TRPV6: variants seen among roughly 807,000 people sequenced by gnomAD.
The protein encoded by TRPV6 is Alu-binding protein with zinc finger domain.
Under a neutral mutation model 79.0 loss-of-function variants are expected in TRPV6, and 39 were observed. The observed-to-expected ratio is 0.49, with a 90% CI of 0.38 to 0.64. The LOEUF (loss-of-function observed/expected upper bound fraction) is 0.64, where lower values mean the gene tolerates loss of function less well. TRPV6 is among the 30% of genes least tolerant of loss of function. The probability of loss-of-function intolerance (pLI) is 0.00; values close to 1 mark genes in which losing one functional copy is unlikely to be tolerated. For missense variants in TRPV6, 813 were observed against 1,011.1 expected (o/e 0.80, Z 2.66); for synonymous variants, 373 against 391.9 (o/e 0.95, Z 0.57).
Position 142,873,736 on chromosome 7 carries a change from G to C in TRPV6, c.1640-20C>G. On this transcript the variant is annotated intron_variant, in intron 12 of 14. Transcript: ENST00000359396. This position sits in a 1 kb window ranked among gnomAD's most constrained non-coding sequence, Gnocchi z 4.8. ...AGAAGGCTGCTCCACCCAAGGGGGT[G>C]AGGGTTACCATGGCAACCATGCAGA... is the stretch of plus-strand genomic sequence containing the variant. 6.2e-7 allele frequency: 1 copy of C among 1,611,824 alleles called. No homozygotes were observed. The highest frequency in any genetic ancestry group is 8.5e-7 in the Non-Finnish European group (1 of 1,178,110).
intron 1 of TRPV6, chr7:142,885,119 G>A (rs1399696650): frequency 3.4e-6 from 1 of 291,376 alleles, no homozygotes; most frequent in African/African-American, 2.2e-5. Context: ...CAAGACGCCT[G>A]GCCCTTAGAG....
chr7:142,874,245 C>T, intron 11 of TRPV6, 103 bp from the exon 12 acceptor site: 2 of 1,353,958 alleles, frequency 1.5e-6, no homozygotes, highest in Non-Finnish European at 2.1e-6. Context: ...CAGCTCCACC[C>T]TCTGGGACAG....
intron 10 of TRPV6, 93 bp downstream of exon 10, chr7:142,874,811 C>T: frequency 6.3e-7 from 1 of 1,579,110 alleles, no homozygotes; most frequent in Non-Finnish European, 8.7e-7. Context: ...AGAGGGGGCT[C>T]TGGAGCTAAG....
chr7:142,876,011 C>T (rs1795060020), intron 6 of TRPV6, 107 bp from the exon 7 acceptor site: 2 of 1,307,492 alleles, frequency 1.5e-6, no homozygotes, highest in East Asian at 4.7e-5. Context: ...AAGGTGGCTG[C>T]CCTTTCATTT....
chr7:142,885,598 C>T lies in TRPV6; in HGVS notation c.39G>A (p.Gly13=), dbSNP rs1053076201. ...TCAGCCTTGGGGCCACATCAGCCCC[C>T]CCAAGGGCCGGCCCACCGTCTCCCT... is the stretch of plus-strand genomic sequence containing the variant. The change falls in exon 1 of 15, where the codon GGG becomes GGA. Residue 13 remains glycine, a synonymous_variant. Transcript: ENST00000359396. The T allele has an allele frequency of 8.7e-6, 13 of 1,491,094 alleles. No individual in the cohort carries two copies. Among genetic ancestry groups the T allele is most frequent in the African/African-American group, 2.8e-5 (2 of 70,860 alleles). The allele number at this position is 1,491,094 out of a possible 1,614,324, so 92.4% of individuals were successfully genotyped here.
In TRPV6 at chr7:142,877,216, G is replaced by T. The variant is rs1276010150; in HGVS notation, c.533C>A (p.Ala178Asp). The change falls in exon 4 of 15, where the codon GCC (alanine) becomes GAC (aspartate). Residue 178 changes from alanine to aspartate, a missense_variant. Ala to Asp is a moderately radical substitution (Grantham distance 126). Coordinates refer to ENST00000359396, the MANE Select transcript of TRPV6 (RefSeq NM_018646.6). ...TCTGGCAGAGACACTGGCCCTGCGG[G>T]CAAGCAGGGCTCGCACCAGGTTCAT... 2 of 1,614,122 alleles carry T rather than the reference G, an allele frequency of 1.2e-6. No homozygotes were observed. The highest frequency in any genetic ancestry group is 2.7e-5 in the African/African-American group (2 of 74,946).
intron 1 of TRPV6, chr7:142,884,590 G>A (rs995634123): frequency 2.6e-5 from 4 of 152,278 alleles, no homozygotes; most frequent in African/African-American, 9.7e-5. Context: ...AGCTGTCATG[G>A]TGAAGAAAGC....
Position 142,877,982 on chromosome 7 carries a change from A to G in TRPV6, c.293T>C (p.Val98Ala). ...CTTGAGCAACTTGTTCAGGGCCTGG[A>G]CATCATTATCTTTGGCAGCTAGAAG... Residue 98 changes from valine (V) to alanine (A), a missense_variant, in exon 2 of 15, where the codon GTC (valine) becomes GCC (alanine). Physicochemically the swap from Val to Ala is moderately conservative, Grantham distance 64. Around this residue, in one of 3 missense-constraint regions of TRPV6, gnomAD observed 555 missense variants for 631.0 expected, o/e 0.88. Coordinates refer to ENST00000359396, the MANE Select transcript of TRPV6 (RefSeq NM_018646.6). 1.2e-6 allele frequency: 2 copies of G among 1,614,216 alleles called. No individual in the cohort carries two copies. The highest frequency in any genetic ancestry group is 1.7e-6 in the Non-Finnish European group (2 of 1,180,044).
chr7:142,876,659 C>T, intron 5 of TRPV6, 76 bp from the exon 6 acceptor site: 1 of 1,612,332 alleles, frequency 6.2e-7, no homozygotes, highest in Middle Eastern at 1.7e-4. Flanking sequence ...TGAGGTCTTC[C>T]TGAAGGTCCC....
intron 1 of TRPV6, chr7:142,881,816 G>A (rs4987626): frequency 0.2 from 30,496 of 152,116 alleles, 6,362 homozygotes; most frequent in African/African-American, 0.53. Context: ...CGTCTCCTCC[G>A]CCCCACACCC....
At chr7:142,882,613 A>G (rs951076528) in intron 1 of TRPV6, 6 of 152,148 alleles carry the variant, frequency 3.9e-5, no homozygotes, top group Non-Finnish European at 7.4e-5. Context: ...GTTCCTGGCA[A>G]TGGGGATGAG....
rs1198025975 is a variant in TRPV6, at chr7:142,871,292, C to T, written c.*415G>A. ...CCCCCAGAGCCGTTCCTGTCTCCCT[C>T]ACTCACACGCTTTCCACAAGCTCTG... On this transcript the variant is annotated 3_prime_UTR_variant, in exon 15 of 15. Coordinates refer to ENST00000359396, the MANE Select transcript of TRPV6 (RefSeq NM_018646.6). 2.1e-6 allele frequency: 1 copy of T among 475,440 alleles called. No individual in the cohort carries two copies. The highest frequency in any genetic ancestry group is 1.9e-5 in the African/African-American group (1 of 51,682). The allele number at this position is 475,440 out of a possible 1,614,324, so 29.5% of individuals were successfully genotyped here.
At chr7:142,880,771 C>T (rs1795176053) in intron 1 of TRPV6, 1 of 152,172 alleles carries the variant, frequency 6.6e-6, no homozygotes, top group Non-Finnish European at 1.5e-5. Context: ...ACAGGATGCT[C>T]AGTTAGATTT....
intron 1 of TRPV6, 59 bp from the exon 2 acceptor site, chr7:142,878,085 G>C: frequency 6.9e-7 from 1 of 1,452,574 alleles, no homozygotes; most frequent in South Asian, 1.1e-5. Context: ...TGTGGAGGGA[G>C]AGGCCCTGGC....
intron 6 of TRPV6, 179 bp downstream of exon 6, chr7:142,876,229 G>C (rs980793480): frequency 1.0e-6 from 1 of 957,558 alleles, no homozygotes; most frequent in Non-Finnish European, 1.5e-6. Context: ...AATGCCTCAG[G>C]GGAAAAGGAG....
Position 142,873,932 on chromosome 7 carries a change from C to T in TRPV6, c.1639+144G>A. ...CTAACACTCCCGATTTTTCTCACCTCTGGAGGACGTCCCATCCTCTGATAC... is the reference window on the plus strand; with the variant it reads ...CTAACACTCCCGATTTTTCTCACCTTTGGAGGACGTCCCATCCTCTGATAC... On this transcript the variant is annotated intron_variant, in intron 12 of 14. Coordinates refer to ENST00000359396, the MANE Select transcript of TRPV6 (RefSeq NM_018646.6). This position sits in a 1 kb window ranked among gnomAD's most constrained non-coding sequence, Gnocchi z 4.8. 1 of 1,115,726 alleles carries T rather than the reference C, an allele frequency of 9.0e-7. No individual in the cohort carries two copies. Among genetic ancestry groups the T allele is most frequent in the Non-Finnish European group, 1.3e-6 (1 of 764,196 alleles). 69.1% of individuals were successfully genotyped at this position (1,115,726 alleles called of 1,614,324 possible). A position where few individuals can be genotyped will look rare whatever the true frequency, so the allele number is the denominator to read the frequency against.
chr7:142,875,758 C>A lies in TRPV6; in HGVS notation c.1029G>T (p.Glu343Asp). Reference sequence around the variant, plus strand: ...CACAGCCTGCTGTCATGAGCCATACCTCCCGCTTCTTGGTGGTGATGATAA... The same window carrying A: ...CACAGCCTGCTGTCATGAGCCATACATCCCGCTTCTTGGTGGTGATGATAA... The change falls in exon 7 of 15, where the codon GAG becomes GAT. Residue 343 changes from glutamate (E) to aspartate (D), a missense_variant and splice_region_variant. Transcript: ENST00000359396. 1.2e-6 allele frequency: 2 copies of A among 1,601,666 alleles called. No individual in the cohort carries two copies. The highest frequency in any genetic ancestry group is 1.7e-6 in the Non-Finnish European group (2 of 1,173,210).
In TRPV6 at chr7:142,874,799, A is replaced by G. The variant is rs1377544989; in HGVS notation, c.1406+105T>C. 2.6e-6 allele frequency: 4 copies of G among 1,560,532 alleles called. No homozygotes were observed. In the Admixed American group the frequency reaches 6.7e-5, roughly 26 times the overall value. ...TGCCCAGGGTCATACACACAGCACT[A>G]GAGAGGGGGCTCTGGAGCTAAGGTT... On this transcript the variant is annotated intron_variant, in intron 10 of 14. Transcript: ENST00000359396.
intron 2 of TRPV6, 67 bp downstream of exon 2, chr7:142,877,862 G>C: frequency 1.2e-6 from 2 of 1,613,222 alleles, no homozygotes; most frequent in South Asian, 2.2e-5. Flanking sequence ...ACGAGGTCCT[G>C]GGCACTCCTG....
Sources: gnomAD v4.1 joint callset for allele counts on GRCh38, gnomAD v4.1.1 for gene constraint, gnomAD v4.1.1 regional missense constraint, Gnocchi (gnomAD v3.1) non-coding constraint, MANE v1.5 for transcripts, NCBI Gene and HGNC (gene_info 2026-07-23, HGNC 2026-07-21) for gene names.